Variants in CENPL observed in about 807,000 individuals in gnomAD.
The protein encoded by CENPL is interphase centromere complex protein 33.
In CENPL, 20 loss-of-function variants were observed where a neutral mutation model predicts 35.2. That is an observed-to-expected ratio of 0.57 (90% CI 0.40 to 0.83). CENPL has a LOEUF of 0.83. Among genes scored for constraint, CENPL ranks in the 40% least tolerant of loss-of-function variants. CENPL has a pLI of 0.00. For synonymous variants in CENPL, 140 were observed against 140.6 expected (o/e 1.00, Z 0.03); for missense variants, 363 against 395.8 (o/e 0.92, Z 0.70).
chr1:173,820,313 T>G (rs1375069206), intron 2 of CENPL, among the ~76,000 whole-genome samples: 1 of 151,860 alleles, frequency 6.6e-6, no homozygotes, highest in African/African-American at 2.4e-5. Context: ...ACTCCACAAA[T>G]TAAACATGTA....
chr1:173,806,415 G>A (rs1650231426), intron 4 of CENPL: 1 of 443,316 alleles, frequency 2.3e-6, no homozygotes, highest in African/African-American at 2.0e-5. Flanking sequence ...GCGAGACCCT[G>A]TCTACAAAAA....
chr1:173,822,522 C>T (rs1156974168), intron 2 of CENPL: 2 of 152,182 alleles, frequency 1.3e-5, no homozygotes, highest in Non-Finnish European at 2.9e-5. Context: ...GCATTTCCAA[C>T]CTCCGTCAAA....
chr1:173,814,958 AAG>A (rs1467159015), intron 2 of CENPL, among the ~76,000 whole-genome samples: 2 of 152,216 alleles, frequency 1.3e-5, no homozygotes, highest in African/African-American at 4.8e-5. Flanking sequence ...TAAAGAAGAA[AAG>A]AGAGAAGAAG....
At chr1:173,815,490 G>T (rs974355877) in intron 2 of CENPL, among the ~76,000 whole-genome samples, 8 of 152,076 alleles carry the variant, frequency 5.3e-5, no homozygotes, top group Non-Finnish European at 5.9e-5. Flanking sequence ...TATCCACCAT[G>T]ACCAAGTCAG....
At chr1:173,814,934 G>A (rs115643082) in intron 2 of CENPL, among the ~76,000 whole-genome samples, 6,525 of 152,176 alleles carry the variant, frequency 0.043, 222 homozygotes, top group Non-Finnish European at 0.068. Flanking sequence ...TTGATAGACC[G>A]TTAGCAAGAC....
chr1:173,803,427 C>T lies in CENPL; in HGVS notation c.499G>A (p.Gly167Arg). The T allele has an allele frequency of 5.0e-6, 8 of 1,614,046 alleles. No homozygotes were observed. The highest frequency in any genetic ancestry group is 5.9e-6 in the Non-Finnish European group (7 of 1,179,954). Residue 167 changes from glycine to arginine, a missense_variant, in exon 5 of 6, where the codon GGA becomes AGA. Transcript: ENST00000682279. The stretch of plus-strand genomic sequence containing the variant: ...GAAACAGTCTCCAGAAGACTGTCTC[C>T]AAATACACAGCAGAACCAGCCAGTC... ...LWTGWFCCVF[G>R]DSLLETVSED...
rs375738497 is a variant in CENPL at position 173,812,714 on chromosome 1, G to C, written c.-7-1408C>G. Reference sequence around the variant, plus strand: ...CAAAGGTAGATAAAACCACAAAAATGGGGAGAAACCAGAGCAGAAAAGCTG... The same window carrying C: ...CAAAGGTAGATAAAACCACAAAAATCGGGAGAAACCAGAGCAGAAAAGCTG... On this transcript the variant is annotated intron_variant, in intron 2 of 5. Transcript: ENST00000682279. Among the ~76,000 whole-genome samples the C allele has an allele frequency of 2.2e-4, 33 of 152,268 alleles. No individual in the cohort carries two copies. The South Asian group carries it at 6.8e-3, about 32-fold the overall frequency.
chr1:173,803,776 A>T (rs1157497842), intron 4 of CENPL, among the ~76,000 whole-genome samples: 1 of 151,520 alleles, frequency 6.6e-6, no homozygotes, highest in Admixed American at 6.6e-5. Flanking sequence ...GGTTCAAGTG[A>T]TTCTCCGGCC....
At chr1:173,812,045 C>A (rs938085867) in intron 2 of CENPL, among the ~76,000 whole-genome samples, 34 of 152,244 alleles carry the variant, frequency 2.2e-4, no homozygotes, top group Admixed American at 1.8e-3. Context: ...GTCCCACACC[C>A]ATAGAGCCTT....
At position 173,800,034 on chromosome 1, in the gene CENPL, A is replaced by T. The variant is rs982941526; in HGVS notation, c.*414T>A. 1.3e-5 allele frequency: 2 copies of T among 152,562 alleles called. No homozygotes were observed. Among genetic ancestry groups the T allele is most frequent in the African/African-American group, 4.8e-5 (2 of 41,306 alleles). 9.5% of individuals were successfully genotyped at this position (152,562 alleles called of 1,614,324 possible). A position where few individuals can be genotyped will look rare whatever the true frequency, so the allele number is the denominator to read the frequency against. ...GCCACCACGCCCAGCTAATTATTGTATTTTCAGTAGAGAAGGGGTTTCACC... is the reference window on the plus strand; with the variant it reads ...GCCACCACGCCCAGCTAATTATTGTTTTTTCAGTAGAGAAGGGGTTTCACC... On this transcript the variant is annotated 3_prime_UTR_variant, in exon 6 of 6. Coordinates refer to ENST00000682279, the MANE Select transcript of CENPL (RefSeq NM_001387287.1).
Position 173,800,501 on chromosome 1 carries a change from G to C in CENPL, c.982C>G (p.Leu328Val). 4.8e-6 allele frequency: 7 copies of C among 1,473,236 alleles called. No individual in the cohort carries two copies. The highest frequency in any genetic ancestry group is 4.7e-6 in the Non-Finnish European group (5 of 1,056,356). The allele number at this position is 1,473,236 out of a possible 1,614,324, so 91.3% of individuals were successfully genotyped here. ...GTCAAATATGCTAACACTCCAATAA[G>C]GTATTTATGACACAGAATCTGCAAA... ...GKIKILCHKYLIGVLAYLTEL... is the reference protein window; with the variant it reads ...GKIKILCHKYVIGVLAYLTEL... Residue 328 changes from leucine to valine, a missense_variant, in exon 6 of 6, where the codon CTT becomes GTT. Leu to Val is a conservative substitution (Grantham distance 32, BLOSUM62 1). Transcript: ENST00000682279.
chr1:173,805,844 T>TC (rs2102570866), intron 4 of CENPL, among the ~76,000 whole-genome samples: 1 of 151,842 alleles, frequency 6.6e-6, no homozygotes, highest in East Asian at 1.9e-4. Context: ...TCCATGCACT[T>TC]TTTTTTTAAA....
At chr1:173,817,444 A>C (rs1178949090) in intron 2 of CENPL, among the ~76,000 whole-genome samples, 2 of 152,222 alleles carry the variant, frequency 1.3e-5, no homozygotes, top group Non-Finnish European at 2.9e-5. Context: ...GCAAATCAAA[A>C]CCACAATGAG....
intron 4 of CENPL, 65 bp downstream of exon 4, chr1:173,807,202 A>G (rs1338074589): frequency 1.7e-5 from 23 of 1,360,184 alleles, no homozygotes; most frequent in Non-Finnish European, 2.1e-5. Flanking sequence ...TCTAATTATT[A>G]TAGTTTAGTC....
chr1:173,810,902 G>C (rs1184790173), intron 3 of CENPL, among the ~76,000 whole-genome samples: 1 of 152,086 alleles, frequency 6.6e-6, no homozygotes, highest in Non-Finnish European at 1.5e-5. Flanking sequence ...AGGTGACAGA[G>C]CAAGACTCTG....
intron 2 of CENPL, chr1:173,821,986 TATC>T: frequency 6.6e-6 from 1 of 152,100 alleles, no homozygotes; most frequent in South Asian, 2.1e-4. Context: ...TTCACATCTC[TATC>T]ATCTTTAATC....
intron 2 of CENPL, among the ~76,000 whole-genome samples, chr1:173,813,538 A>G (rs1398060078): frequency 6.6e-6 from 1 of 152,248 alleles, no homozygotes; most frequent in Non-Finnish European, 1.5e-5. Flanking sequence ...CTTAAAGAAA[A>G]GAATTTTCAA....
Position 173,811,225 on chromosome 1 carries a change from A to G in CENPL, c.75T>C (p.Thr25=), listed in dbSNP as rs1444159008. The change falls in exon 3 of 6, where the codon ACT becomes ACC. Residue 25 remains threonine, a synonymous_variant. Coordinates refer to ENST00000682279, the MANE Select transcript of CENPL (RefSeq NM_001387287.1). ...SRPEDYFIGA[T]PLQKRLESVR... The stretch of plus-strand genomic sequence containing the variant: ...CCGATTCTAATCGTTTCTGCAGAGG[A>G]GTGGCACCTATAAAGTAATCTTCAG... 6.2e-7 allele frequency: 1 copy of G among 1,613,596 alleles called. No individual in the cohort carries two copies. Among genetic ancestry groups the G allele is most frequent in the Non-Finnish European group, 8.5e-7 (1 of 1,179,514 alleles).
intron 2 of CENPL, among the ~76,000 whole-genome samples, chr1:173,818,021 G>C (rs1000535921): frequency 6.6e-6 from 1 of 152,036 alleles, no homozygotes; most frequent in Non-Finnish European, 1.5e-5. Flanking sequence ...AGTGGCTGGG[G>C]GAGGGATAGC....
Sources: allele counts gnomAD v4.1 joint callset (sites outside exome capture counted in the v4.1 genomes callset), GRCh38; gene constraint gnomAD v4.1.1; transcripts MANE v1.5; gene names NCBI Gene and HGNC (gene_info 2026-07-23, HGNC 2026-07-21).